The following STARD13 variants were observed in gnomAD, a reference collection of about 807,000 sequenced individuals.
The protein encoded by STARD13 is stAR-related lipid transfer protein 13.
In STARD13, 62 loss-of-function variants were observed where a neutral mutation model predicts 106.4. That is an observed-to-expected ratio of 0.58 (90% CI 0.48 to 0.72). STARD13 has a LOEUF of 0.72. Ranked by LOEUF, STARD13 falls within the 30% of genes least tolerant of loss-of-function variation. STARD13 has a pLI of 0.00. For missense variants in STARD13, 1,387 were observed against 1,424.0 expected (o/e 0.97, Z 0.42); for synonymous variants, 565 against 553.0 (o/e 1.02, Z -0.31).
chr13:33,623,966 C>T, the STARD13 span, among the ~76,000 whole-genome samples: 1 of 152,168 alleles, frequency 6.6e-6, no homozygotes, highest in African/African-American at 2.4e-5. Flanking sequence ...ACAGTACTCC[C>T]AGTATCAGAG....
chr13:33,657,923 A>G, the STARD13 span, among the ~76,000 whole-genome samples: 19,587 of 152,278 alleles, frequency 0.13, 2,287 homozygotes, highest in African/African-American at 0.28. Context: ...TATACATTAC[A>G]TAAAATACAT....
chr13:33,293,014 G>A (rs1167688885), intron 1 of STARD13, among the ~76,000 whole-genome samples: 3 of 152,040 alleles, frequency 2.0e-5, no homozygotes, highest in Non-Finnish European at 4.4e-5. Context: ...CTTTCTGCAC[G>A]TGCTACTCCT....
chr13:33,600,119 C>T, the STARD13 span, among the ~76,000 whole-genome samples: 4 of 152,158 alleles, frequency 2.6e-5, no homozygotes, highest in Non-Finnish European at 5.9e-5. Flanking sequence ...AAACCAGAGC[C>T]TGTATCAAAT....
At chr13:33,242,375 A>G (rs1889569932) in intron 1 of STARD13, among the ~76,000 whole-genome samples, 1 of 152,206 alleles carries the variant, frequency 6.6e-6, no homozygotes, top group Non-Finnish European at 1.5e-5. Flanking sequence ...AAAGAAGTAG[A>G]CATAGGAGAC....
chr13:33,122,198 C>T (rs1259892713), intron 7 of STARD13, among the ~76,000 whole-genome samples: 1 of 152,092 alleles, frequency 6.6e-6, no homozygotes, highest in Non-Finnish European at 1.5e-5. Context: ...GCCAGGCTGG[C>T]CCTGAACTCC....
At chr13:33,474,020 T>C in the STARD13 span, among the ~76,000 whole-genome samples, 27 of 152,148 alleles carry the variant, frequency 1.8e-4, 1 homozygote, top group South Asian at 1.9e-3. Flanking sequence ...TTGTTTGTTT[T>C]TATGTGTGTG....
At chr13:33,334,744 C>G (rs1566145019) in intron 1 of STARD13, among the ~76,000 whole-genome samples, 3 of 152,110 alleles carry the variant, frequency 2.0e-5, no homozygotes, top group Non-Finnish European at 1.5e-5. Context: ...AGCCATGAGC[C>G]TGAAATAGAG....
the STARD13 span, among the ~76,000 whole-genome samples, chr13:33,554,629 C>T: frequency 1.3e-5 from 2 of 152,082 alleles, no homozygotes; most frequent in Admixed American, 6.5e-5. Context: ...TTATTTTTTA[C>T]GTGTTATAAA....
intron 3 of STARD13, among the ~76,000 whole-genome samples, chr13:33,142,896 T>A (rs1293473043): frequency 1.3e-5 from 2 of 152,218 alleles, no homozygotes; most frequent in Admixed American, 1.3e-4. Flanking sequence ...CATTCACATA[T>A]GTGAATGTCC....
chr13:33,286,654 G>T (rs1892072853), upstream of STARD13, among the ~76,000 whole-genome samples: 1 of 152,136 alleles, frequency 6.6e-6, no homozygotes, highest in Non-Finnish European at 1.5e-5. Flanking sequence ...TATTATTTTT[G>T]ACTGGGGTGA....
At chr13:33,631,752 T>C in the STARD13 span, among the ~76,000 whole-genome samples, 3 of 143,076 alleles carry the variant, frequency 2.1e-5, no homozygotes, top group Admixed American at 6.9e-5. Flanking sequence ...ACTTTATTTC[T>C]TTAAATATCT....
the STARD13 span, among the ~76,000 whole-genome samples, chr13:33,416,355 G>T: frequency 2.6e-5 from 4 of 152,186 alleles, no homozygotes; most frequent in Non-Finnish European, 5.9e-5. Flanking sequence ...TAGTTGTAAG[G>T]GTGGTAAGAT....
the STARD13 span, among the ~76,000 whole-genome samples, chr13:33,400,975 A>G: frequency 6.6e-6 from 1 of 152,220 alleles, no homozygotes; most frequent in African/African-American, 2.4e-5. Context: ...CACTGGCAAA[A>G]GTTGGCAGTT....
chr13:33,297,605 T>TA (rs59944626), intron 1 of STARD13, among the ~76,000 whole-genome samples: 41,581 of 145,004 alleles, frequency 0.29, 6,263 homozygotes, highest in East Asian at 0.69. Context: ...TTTTGAAAAT[T>TA]AAAAAAAAAA....
the STARD13 span, among the ~76,000 whole-genome samples, chr13:33,648,081 T>C: frequency 1.3e-5 from 2 of 152,344 alleles, no homozygotes; most frequent in East Asian, 1.9e-4. Flanking sequence ...CTGAGTTTTA[T>C]TTTAATCTTT....
At chr13:33,189,011 AT>A (rs1886011796) in intron 1 of STARD13, among the ~76,000 whole-genome samples, 1 of 152,172 alleles carries the variant, frequency 6.6e-6, no homozygotes, top group African/African-American at 2.4e-5. Context: ...TAGAGCAGAC[AT>A]TTAGTGTCTG....
At chr13:33,654,673 A>G in the STARD13 span, 1 of 152,250 alleles carries the variant, frequency 6.6e-6, no homozygotes, top group Non-Finnish European at 1.5e-5. Flanking sequence ...GTTAAAATAT[A>G]ATCTATTGAA....
At chr13:33,608,394 GA>G in the STARD13 span, among the ~76,000 whole-genome samples, 1 of 152,084 alleles carries the variant, frequency 6.6e-6, no homozygotes, top group African/African-American at 2.4e-5. Context: ...GAAATATTAT[GA>G]AAGAGTAAAT....
At chr13:33,375,502 G>A in the STARD13 span, among the ~76,000 whole-genome samples, 1 of 152,046 alleles carries the variant, frequency 6.6e-6, no homozygotes, top group African/African-American at 2.4e-5. Flanking sequence ...GTTTATAAAG[G>A]CAAGAGGTTC....
Sources: gnomAD v4.1 joint callset for allele counts (sites outside exome capture counted in the v4.1 genomes callset) on GRCh38, gnomAD v4.1.1 for gene constraint, MANE v1.5 for transcripts, NCBI Gene and HGNC (gene_info 2026-07-23, HGNC 2026-07-21) for gene names.